The following VOPP1 variants were observed in gnomAD, a reference collection of about 807,000 sequenced individuals.
VOPP1 encodes WW domain binding protein VOPP1.
A neutral mutation model predicts 23.5 loss-of-function variants in VOPP1; 8 were observed. The ratio of observed to expected loss-of-function variants is 0.34; its 90% confidence interval spans 0.20 to 0.61. The LOEUF is 0.61. Among genes scored for constraint, VOPP1 ranks in the 20% least tolerant of loss-of-function variants. VOPP1 has a pLI of 0.78. For synonymous variants in VOPP1, 83 were observed against 97.3 expected, an observed-to-expected ratio of 0.85 and a Z score of 0.86; for missense variants, 174 against 238.1, an observed-to-expected ratio of 0.73 and a Z score of 1.77.
At chr7:55,486,809 TCCTGAAGGCAGCTGC>T (rs1477056895) in intron 4 of VOPP1, among the ~76,000 whole-genome samples, 11 of 152,212 alleles carry the variant, frequency 7.2e-5, no homozygotes, top group African/African-American at 2.6e-4. Context: ...AAAATCTCTA[TCCTGAAGGCAGCTGC>T]CCAGGGCAGC....
chr7:55,531,364 T>TG (rs956466691), intron 1 of VOPP1, among the ~76,000 whole-genome samples: 5 of 151,590 alleles, frequency 3.3e-5, no homozygotes, highest in Non-Finnish European at 7.4e-5. Context: ...TTTTTTTTTT[T>TG]TTTGAGAGGG....
At chr7:55,560,885 T>C (rs559149860) in intron 1 of VOPP1, among the ~76,000 whole-genome samples, 6 of 152,274 alleles carry the variant, frequency 3.9e-5, no homozygotes, top group African/African-American at 1.4e-4. Flanking sequence ...ACTCAAGAAA[T>C]GACCCTAACA....
chr7:55,554,899 C>T (rs867280775), intron 1 of VOPP1, among the ~76,000 whole-genome samples: 4 of 152,144 alleles, frequency 2.6e-5, no homozygotes, highest in Non-Finnish European at 5.9e-5. Flanking sequence ...AGGAGGAAGA[C>T]CTCACCCAAG....
At chr7:55,542,794 A>G (rs1584086664) in intron 1 of VOPP1, among the ~76,000 whole-genome samples, 2 of 120,440 alleles carry the variant, frequency 1.7e-5, no homozygotes, top group African/African-American at 5.4e-5. Flanking sequence ...CATCTCCAAG[A>G]AAAAAAAAAA....
intron 1 of VOPP1, among the ~76,000 whole-genome samples, chr7:55,541,296 G>C (rs531578943): frequency 2.8e-4 from 42 of 152,096 alleles, no homozygotes; most frequent in Non-Finnish European, 5.4e-4. Context: ...TTTTAAATGG[G>C]CAAAGGATTT....
At chr7:55,525,797 A>T (rs1313465842) in intron 1 of VOPP1, among the ~76,000 whole-genome samples, 5 of 150,328 alleles carry the variant, frequency 3.3e-5, no homozygotes, top group Admixed American at 6.6e-5. Context: ...TCTAAAAAAA[A>T]AAAAAAAAAA....
chr7:55,492,068 A>G (rs1300265432), intron 4 of VOPP1, among the ~76,000 whole-genome samples: 5 of 152,234 alleles, frequency 3.3e-5, no homozygotes, highest in East Asian at 3.8e-4. Context: ...TGGCACACTG[A>G]TAACTGTAAG....
chr7:55,506,040 ACC>A (rs1482678677), intron 2 of VOPP1, among the ~76,000 whole-genome samples: 2 of 152,002 alleles, frequency 1.3e-5, no homozygotes, highest in Non-Finnish European at 2.9e-5. Context: ...AGCACAAAAC[ACC>A]CTTTTAATAA....
intron 1 of VOPP1, among the ~76,000 whole-genome samples, chr7:55,566,443 T>C (rs1798166508): frequency 6.6e-6 from 1 of 151,610 alleles, no homozygotes; most frequent in Non-Finnish European, 1.5e-5. Flanking sequence ...GTACCTGTAA[T>C]CCCAGCTACT....
intron 4 of VOPP1, among the ~76,000 whole-genome samples, chr7:55,479,011 T>C (rs1792488670): frequency 6.6e-6 from 1 of 152,176 alleles, no homozygotes; most frequent in Non-Finnish European, 1.5e-5. Flanking sequence ...TGCTGAGCCA[T>C]GCAGTTAAAC....
At chr7:55,489,129 A>G (rs1793369000) in intron 4 of VOPP1, among the ~76,000 whole-genome samples, 1 of 152,204 alleles carries the variant, frequency 6.6e-6, no homozygotes, top group Admixed American at 6.5e-5. Flanking sequence ...TCTGTCTAGG[A>G]AACAGCTGAA....
At chr7:55,521,667 C>G (rs113474125) in intron 1 of VOPP1, 2 of 987,556 alleles carry the variant, frequency 2.0e-6, no homozygotes, top group African/African-American at 1.7e-5. Context: ...ACAATGGGAG[C>G]CTCTCCTGGG....
intron 2 of VOPP1, among the ~76,000 whole-genome samples, chr7:55,503,504 TCTATGTA>T (rs1794505348): frequency 6.6e-6 from 1 of 152,222 alleles, no homozygotes; most frequent in African/African-American, 2.4e-5. Flanking sequence ...ACAAAATCTT[TCTATGTA>T]AAAAAGAAAA....
intron 4 of VOPP1, among the ~76,000 whole-genome samples, chr7:55,451,962 C>A (rs963335778): frequency 2.0e-5 from 3 of 152,098 alleles, no homozygotes; most frequent in Non-Finnish European, 4.4e-5. Flanking sequence ...TAAAATAAGA[C>A]AACAATGAAG....
chr7:55,461,277 G>A (rs1791494507), intron 4 of VOPP1, among the ~76,000 whole-genome samples: 1 of 151,916 alleles, frequency 6.6e-6, no homozygotes, highest in South Asian at 2.1e-4. Flanking sequence ...CTACAAATAG[G>A]GTGCAGTGTA....
intron 1 of VOPP1, among the ~76,000 whole-genome samples, chr7:55,570,800 G>A (rs1410377091): frequency 6.6e-6 from 1 of 152,000 alleles, no homozygotes; most frequent in African/African-American, 2.4e-5. Flanking sequence ...AAATTAGCCG[G>A]GCATAGTGGT....
intron 4 of VOPP1, among the ~76,000 whole-genome samples, chr7:55,483,148 T>G (rs1021425578): frequency 6.6e-6 from 1 of 152,142 alleles, no homozygotes; most frequent in Non-Finnish European, 1.5e-5. Context: ...CCTTCAATGC[T>G]TGTGTCTTCA....
chr7:55,457,666 G>GTGA (rs911709747), intron 4 of VOPP1, among the ~76,000 whole-genome samples: 2 of 151,868 alleles, frequency 1.3e-5, no homozygotes, highest in African/African-American at 4.8e-5. Flanking sequence ...GTGGGGTAAG[G>GTGA]TGATATCTCA....
chr7:55,555,070 C>A (rs914681998), intron 1 of VOPP1, among the ~76,000 whole-genome samples: 1 of 152,110 alleles, frequency 6.6e-6, no homozygotes, highest in African/African-American at 2.4e-5. Context: ...CTCTAGGCCA[C>A]AAGAAAAATC....
Sources: allele counts gnomAD v4.1 joint callset (sites outside exome capture counted in the v4.1 genomes callset), GRCh38; gene constraint gnomAD v4.1.1; transcripts MANE v1.5; gene names NCBI Gene and HGNC (gene_info 2026-07-23, HGNC 2026-07-21).